The following PRDM16 variants were observed in gnomAD, a reference collection of about 807,000 sequenced individuals.
PRDM16 encodes histone-lysine N-methyltransferase PRDM16.
PRDM16 carries 23 observed loss-of-function variants against 110.6 expected under a neutral mutation model. The ratio of observed to expected loss-of-function variants is 0.21; its 90% CI spans 0.15 to 0.29. The LOEUF is 0.29. Ranked by LOEUF, PRDM16 falls within the 10% of genes least tolerant of loss-of-function variation. The pLI, the probability that PRDM16 is intolerant of heterozygous loss-of-function variation, is 1.00. For missense variants in PRDM16, 1,615 were observed against 1,794.3 expected (o/e 0.90, Z 1.81); for synonymous variants, 799 against 781.8 (o/e 1.02, Z -0.37).
intron 3 of PRDM16, among the ~76,000 whole-genome samples, chr1:3,257,355 C>T (rs1424122234): frequency 3.9e-5 from 6 of 152,148 alleles, no homozygotes. Flanking sequence ...TGAGGGAGGG[C>T]ACTGCTGCTC....
chr1:3,414,121 G>T (rs1263654107), intron 9 of PRDM16, among the ~76,000 whole-genome samples: 1 of 152,348 alleles, frequency 6.6e-6, no homozygotes, highest in Non-Finnish European at 1.5e-5. Flanking sequence ...CAGGTCCAGG[G>T]ACCCCCTTCA....
Position 3,432,067 on chromosome 1 carries a change from T to C in PRDM16, c.3623T>C (p.Val1208Ala), listed in dbSNP as rs578095108. ...AGAGCAGCTGAGGAAGCATTTGAAG[T>C]TAAAGATGTGCTTAATTCCACCTTA... ...LRRAAEEAFE[V>A]KDVLNSTLDS... is the part of the protein sequence containing the mutation. Residue 1208 changes from valine to alanine, a missense_variant, in exon 16 of 17, where the codon GTT (valine) becomes GCT (alanine). By Grantham distance (64) the Val-to-Ala change is moderately conservative (BLOSUM62 0). Coordinates refer to ENST00000270722, the MANE Select transcript of PRDM16 (RefSeq NM_022114.4). 2.2e-5 allele frequency: 35 copies of C among 1,614,034 alleles called. No individual in the cohort carries two copies. In the East Asian group the frequency reaches 7.4e-4, roughly 34 times the overall value.
chr1:3,114,309 A>G (rs1426146031), intron 1 of PRDM16, among the ~76,000 whole-genome samples: 17 of 148,112 alleles, frequency 1.1e-4, no homozygotes, highest in Admixed American at 6.0e-4. Context: ...ACGCACGCAC[A>G]CACACGCACA....
chr1:3,183,945 C>T (rs887089879), intron 1 of PRDM16, among the ~76,000 whole-genome samples: 6 of 152,128 alleles, frequency 3.9e-5, no homozygotes, highest in African/African-American at 7.2e-5. Context: ...ACTTTGTTTG[C>T]GAGCTCCGTG....
At chr1:3,385,664 T>G (rs1011921529) in intron 4 of PRDM16, among the ~76,000 whole-genome samples, 1 of 152,222 alleles carries the variant, frequency 6.6e-6, no homozygotes, top group East Asian at 1.9e-4. Flanking sequence ...GAACAGTCAC[T>G]GAAAGAATCC....
intron 1 of PRDM16, among the ~76,000 whole-genome samples, chr1:3,099,126 G>T (rs572964021): frequency 6.6e-6 from 1 of 152,352 alleles, no homozygotes; most frequent in African/African-American, 2.4e-5. Context: ...TGCAATGAGG[G>T]TTCTCAAATG....
intron 1 of PRDM16, among the ~76,000 whole-genome samples, chr1:3,147,069 GGTGT>G (rs752679112): frequency 4.6e-5 from 6 of 129,694 alleles, no homozygotes; most frequent in Non-Finnish European, 9.5e-5. Flanking sequence ...CTCAGTGTGG[GGTGT>G]GTGTATGTGT....
chr1:3,349,394 C>G (rs984825365), intron 3 of PRDM16, among the ~76,000 whole-genome samples: 3 of 152,212 alleles, frequency 2.0e-5, no homozygotes, highest in African/African-American at 7.2e-5. Context: ...GCTGCTGCCC[C>G]GATAACCTGG....
chr1:3,326,382 A>G (rs1641910408), intron 3 of PRDM16, among the ~76,000 whole-genome samples: 1 of 152,192 alleles, frequency 6.6e-6, no homozygotes, highest in Non-Finnish European at 1.5e-5. Flanking sequence ...TGCTTTTTCC[A>G]GAAAAGATCA....
At chr1:3,260,606 T>G (rs1640137394) in intron 3 of PRDM16, among the ~76,000 whole-genome samples, 1 of 150,338 alleles carries the variant, frequency 6.7e-6, no homozygotes, top group Admixed American at 6.6e-5. Context: ...AGGTTGATAA[T>G]GAAGATGAAG....
chr1:3,387,945 G>A (rs1040897776), intron 4 of PRDM16, among the ~76,000 whole-genome samples: 31 of 152,212 alleles, frequency 2.0e-4, no homozygotes, highest in Admixed American at 7.2e-4. Flanking sequence ...ATGCCCTCTC[G>A]CGCGCTGTGA....
At chr1:3,364,994 G>C (rs993999615) in intron 3 of PRDM16, among the ~76,000 whole-genome samples, 1 of 152,186 alleles carries the variant, frequency 6.6e-6, no homozygotes, top group Admixed American at 6.5e-5. Flanking sequence ...GGCCCCTGAA[G>C]TTTCCTCCCA....
chr1:3,433,324 C>T (rs1455756107), intron 16 of PRDM16, among the ~76,000 whole-genome samples: 1 of 152,262 alleles, frequency 6.6e-6, no homozygotes, highest in Non-Finnish European at 1.5e-5. Flanking sequence ...GTCTTAGTCC[C>T]TCTTGTTCCT....
chr1:3,263,939 G>A (rs1470824785), intron 3 of PRDM16, among the ~76,000 whole-genome samples: 1 of 152,082 alleles, frequency 6.6e-6, no homozygotes, highest in African/African-American at 2.4e-5. Context: ...ACGGGCACTC[G>A]CCCTCTCTGT....
chr1:3,323,530 G>A (rs1209938267), intron 3 of PRDM16, among the ~76,000 whole-genome samples: 3 of 152,238 alleles, frequency 2.0e-5, no homozygotes, highest in Non-Finnish European at 2.9e-5. Context: ...GGGAGACAGC[G>A]GAGGGAGGAG....
At chr1:3,281,845 C>G (rs1640717031) in intron 3 of PRDM16, among the ~76,000 whole-genome samples, 1 of 152,250 alleles carries the variant, frequency 6.6e-6, no homozygotes, top group South Asian at 2.1e-4. Flanking sequence ...GGATAAGGAG[C>G]AGGCAGACGC....
intron 3 of PRDM16, among the ~76,000 whole-genome samples, chr1:3,266,469 G>A (rs999298509): frequency 3.3e-5 from 5 of 152,228 alleles, no homozygotes; most frequent in Admixed American, 3.3e-4. Context: ...GGGGAGGACC[G>A]AGCGGTTCGC....
intron 1 of PRDM16, among the ~76,000 whole-genome samples, chr1:3,174,511 G>T (rs991431661): frequency 1.3e-5 from 2 of 152,140 alleles, no homozygotes; most frequent in African/African-American, 4.8e-5. Flanking sequence ...GTGTGACCTG[G>T]ACAAGCCCTG....
At chr1:3,286,894 G>A (rs1640857217) in intron 3 of PRDM16, among the ~76,000 whole-genome samples, 1 of 151,344 alleles carries the variant, frequency 6.6e-6, no homozygotes, top group African/African-American at 2.4e-5. Context: ...TCAAAGCTGG[G>A]TCTGCCCACC....
Sources: allele counts gnomAD v4.1 joint callset (sites outside exome capture counted in the v4.1 genomes callset), GRCh38; gene constraint gnomAD v4.1.1; transcripts MANE v1.5; gene names NCBI Gene and HGNC (gene_info 2026-07-23, HGNC 2026-07-21).